The following ACSS3 variants were observed in gnomAD, a reference collection of about 807,000 sequenced individuals.
ACSS3 encodes acyl-CoA synthetase short-chain family member 3, mitochondrial.
ACSS3 carries 64 observed loss-of-function variants against 84.2 expected under a neutral mutation model. The ratio of observed to expected loss-of-function variants is 0.76; its 90% CI spans 0.62 to 0.94. The LOEUF (loss-of-function observed/expected upper bound fraction) is 0.94. Ranked by LOEUF, ACSS3 falls within the 40% of genes least tolerant of loss-of-function variation. The pLI is 0.00. For synonymous variants in ACSS3, 317 were observed against 310.1 expected, an observed-to-expected ratio of 1.02 and a Z score of -0.23; for missense variants, 815 against 867.6, an observed-to-expected ratio of 0.94 and a Z score of 0.76.
chr12:81,111,016 C>A (rs747354566), intron 2 of ACSS3, among the ~76,000 whole-genome samples: 2 of 152,114 alleles, frequency 1.3e-5, no homozygotes, highest in Non-Finnish European at 2.9e-5. Flanking sequence ...ACTAAAGGAT[C>A]GCCTTTCCAG....
chr12:81,257,355 G>GA lies in ACSS3; in HGVS notation c.*2439dup, dbSNP rs912898927. On this transcript the variant is annotated 3_prime_UTR_variant, in exon 16 of 16. Coordinates refer to ENST00000548058, the MANE Select transcript of ACSS3 (RefSeq NM_024560.4). ...CATCAGACTGCTTAAAATTTGGGAG[G>GA]AAAAAATTCTATTTTACTACTAACC... 4 of 151,952 alleles carry GA rather than the reference G, an allele frequency of 2.6e-5. No homozygotes were observed. Among genetic ancestry groups the GA allele is most frequent in the East Asian group, 1.9e-4 (1 of 5,176 alleles). 9.4% of individuals were successfully genotyped at this position (151,952 alleles called of 1,614,324 possible).
intron 12 of ACSS3, among the ~76,000 whole-genome samples, chr12:81,232,432 T>G (rs947338609): frequency 1.3e-5 from 2 of 151,720 alleles, no homozygotes; most frequent in Non-Finnish European, 2.9e-5. Flanking sequence ...TTCAAATAAG[T>G]GAGAAGTGAT....
chr12:81,205,025 T>C (rs958751260), intron 9 of ACSS3, among the ~76,000 whole-genome samples: 1 of 152,184 alleles, frequency 6.6e-6, no homozygotes, highest in African/African-American at 2.4e-5. Context: ...AGTTCTTCTA[T>C]CTTGGTGTAA....
chr12:81,140,500 T>G (rs151161955), intron 4 of ACSS3, among the ~76,000 whole-genome samples: 33 of 152,196 alleles, frequency 2.2e-4, no homozygotes, highest in Non-Finnish European at 4.0e-4. Context: ...TGACAAGATA[T>G]GAGAACAGAG....
intron 9 of ACSS3, among the ~76,000 whole-genome samples, chr12:81,200,035 A>G (rs1181091541): frequency 6.6e-6 from 1 of 152,194 alleles, no homozygotes; most frequent in African/African-American, 2.4e-5. Flanking sequence ...TAATTTGTTC[A>G]TTTAATTTAT....
Position 81,257,690 on chromosome 12 carries a change from T to C in ACSS3, c.*2768T>C, listed in dbSNP as rs1485697687. On this transcript the variant is annotated 3_prime_UTR_variant, in exon 16 of 16. Coordinates refer to ENST00000548058, the MANE Select transcript of ACSS3 (RefSeq NM_024560.4). ...CCAGTTTTGTTTATATAAAATTGTATTTGAAAGGTCCTGAACATTAAAAAT... is the reference window on the plus strand; with the variant it reads ...CCAGTTTTGTTTATATAAAATTGTACTTGAAAGGTCCTGAACATTAAAAAT... The C allele has an allele frequency of 1.3e-5, 2 of 152,140 alleles. No individual in the cohort carries two copies. Among genetic ancestry groups the C allele is most frequent in the Non-Finnish European group, 2.9e-5 (2 of 67,998 alleles). The allele number at this position is 152,140 out of a possible 1,614,324, so 9.4% of individuals were successfully genotyped here.
rs1001785024 is a variant in ACSS3 at position 81,258,262 on chromosome 12, G to A, written c.*3340G>A. ...GACTAGAAAACAAAGCTTAAACAGA[G>A]AACTGGAATTATTATTTTTTTTATT... On this transcript the variant is annotated 3_prime_UTR_variant, in exon 16 of 16. Transcript: ENST00000548058. 1 of 152,018 alleles carries A rather than the reference G, an allele frequency of 6.6e-6. No individual in the cohort carries two copies. The highest frequency in any genetic ancestry group is 1.5e-5 in the Non-Finnish European group (1 of 67,978). 9.4% of individuals were successfully genotyped at this position (152,018 alleles called of 1,614,324 possible). A position where few individuals can be genotyped will look rare whatever the true frequency, so the allele number is the denominator to read the frequency against.
chr12:81,114,795 TAGG>T (rs1451926514), intron 2 of ACSS3, among the ~76,000 whole-genome samples: 1 of 152,078 alleles, frequency 6.6e-6, no homozygotes, highest in Non-Finnish European at 1.5e-5. Context: ...TATATTCAGA[TAGG>T]AGAACAGATC....
Position 81,177,176 on chromosome 12 carries a change from T to C in ACSS3, c.1250+2237T>C, listed in dbSNP as rs370054134. Among the ~76,000 whole-genome samples, 14 of 152,118 alleles carry C rather than the reference T, an allele frequency of 9.2e-5. No individual in the cohort carries two copies. The East Asian group carries it at 2.5e-3, about 27-fold the overall frequency. ...AGAACATACCTCAAAATAATAAGGC[T>C]CATCTATAACAAATCTACAGCCAAC... On this transcript the variant is annotated intron_variant, in intron 8 of 15. Transcript: ENST00000548058.
intron 8 of ACSS3, among the ~76,000 whole-genome samples, chr12:81,193,547 T>C (rs1565713679): frequency 2.0e-5 from 3 of 151,964 alleles, no homozygotes; most frequent in Admixed American, 2.0e-4. Context: ...GCCCATTCAT[T>C]TTCTCTCCTC....
chr12:81,088,062 A>G (rs1218825322), intron 1 of ACSS3, among the ~76,000 whole-genome samples: 1 of 152,140 alleles, frequency 6.6e-6, no homozygotes, highest in Non-Finnish European at 1.5e-5. Flanking sequence ...TTCCCCACAT[A>G]TACGTGATTA....
intron 2 of ACSS3, among the ~76,000 whole-genome samples, chr12:81,129,238 G>A (rs778386859): frequency 6.6e-6 from 1 of 152,052 alleles, no homozygotes; most frequent in African/African-American, 2.4e-5. Flanking sequence ...TCAATTGTAG[G>A]TATGTATCAC....
intron 8 of ACSS3, among the ~76,000 whole-genome samples, chr12:81,189,505 C>T (rs1477148351): frequency 6.6e-6 from 1 of 152,024 alleles, no homozygotes; most frequent in African/African-American, 2.4e-5. Flanking sequence ...ATTGGAAGGT[C>T]CTCTTTTATA....
intron 1 of ACSS3, among the ~76,000 whole-genome samples, chr12:81,084,657 G>T (rs1306968265): frequency 6.6e-6 from 1 of 151,994 alleles, no homozygotes; most frequent in South Asian, 2.1e-4. Context: ...CTGAACTTTG[G>T]GAAAAAGTGG....
At chr12:81,155,019 G>A (rs550715395) in intron 7 of ACSS3, among the ~76,000 whole-genome samples, 5 of 151,990 alleles carry the variant, frequency 3.3e-5, no homozygotes, top group Non-Finnish European at 5.9e-5. Flanking sequence ...CGTTGCTTTC[G>A]AGCATATGTC....
chr12:81,241,770 C>T (rs1352205802), intron 13 of ACSS3, among the ~76,000 whole-genome samples: 3 of 151,960 alleles, frequency 2.0e-5, no homozygotes, highest in Non-Finnish European at 2.9e-5. Flanking sequence ...CGAAAATTTT[C>T]TCCCATTTTG....
chr12:81,260,458 A>G lies in ACSS3; in HGVS notation c.*5536A>G, dbSNP rs1216288742. ...AGTGAAGTGTTCATTTCCTGAAGAA[A>G]TTATAATGCTATGTGTAGAATCTAA... On this transcript the variant is annotated 3_prime_UTR_variant, in exon 16 of 16. Transcript: ENST00000548058. The G allele has an allele frequency of 6.6e-6, 1 of 152,192 alleles. No individual in the cohort carries two copies. The highest frequency in any genetic ancestry group is 1.5e-5 in the Non-Finnish European group (1 of 68,036). The allele number at this position is 152,192 out of a possible 1,614,324, so 9.4% of individuals were successfully genotyped here.
rs140829003 is a variant in ACSS3 at position 81,152,031 on chromosome 12, G to A, written c.1033G>A (p.Val345Ile). The A allele has an allele frequency of 1.4e-5, 23 of 1,613,392 alleles. No individual in the cohort carries two copies. The African/African-American group carries it at 2.9e-4, about 21-fold the overall frequency. The change falls in exon 7 of 16, where the codon GTT becomes ATT. Residue 345 changes from valine (V) to isoleucine (I), a missense_variant. Coordinates refer to ENST00000548058, the MANE Select transcript of ACSS3 (RefSeq NM_024560.4). ...VWWAASDLGW[V>I]VGHSYICYGP... is the part of the protein sequence containing the mutation. ...GTGGGCAGCTTCTGACTTAGGCTGG[G>A]TTGTTGGACATTCCTATATCTGCTA...
intron 2 of ACSS3, among the ~76,000 whole-genome samples, chr12:81,118,824 A>G (rs1401204853): frequency 1.3e-5 from 2 of 152,174 alleles, no homozygotes; most frequent in Non-Finnish European, 1.5e-5. Context: ...GATGAACTAA[A>G]ACATGATTCC....
Sources: gnomAD v4.1 joint callset for allele counts (sites outside exome capture counted in the v4.1 genomes callset) on GRCh38, gnomAD v4.1.1 for gene constraint, MANE v1.5 for transcripts, NCBI Gene and HGNC (gene_info 2026-07-23, HGNC 2026-07-21) for gene names.